MYO5B: variants seen among roughly 807,000 people sequenced by gnomAD.
MYO5B encodes the protein myosin VB.
MYO5B carries 143 observed loss-of-function variants against 229.3 expected under a neutral mutation model. That is an observed-to-expected ratio of 0.62 (90% CI 0.54 to 0.72). The LOEUF (loss-of-function observed/expected upper bound fraction) is 0.72. Ranked by LOEUF, MYO5B falls within the 30% of genes least tolerant of loss-of-function variation. MYO5B has a pLI of 0.00. For synonymous variants in MYO5B, 918 were observed against 885.2 expected, an observed-to-expected ratio of 1.04 and a Z score of -0.66; for missense variants, 2,321 against 2,331.0, an observed-to-expected ratio of 1.00 and a Z score of 0.09.
rs567549647 is a variant in MYO5B at position 50,184,609 on chromosome 18, A to G, written c.27+10158T>C. ...TTTGGCACAAAAGCACTCCATAACC[A>G]GTAGTTGTCCAACTAGAGGGTTCAA... On this transcript the variant is annotated intron_variant, in intron 1 of 39. Transcript: ENST00000285039. 2.4e-4 allele frequency among the ~76,000 whole-genome samples: 36 copies of G among 152,348 alleles called. 1 individual carries two copies. The South Asian group carries it at 7.5e-3, about 32-fold the overall frequency.
At chr18:50,027,803 G>A (rs1441060552) in intron 4 of MYO5B, among the ~76,000 whole-genome samples, 1 of 152,160 alleles carries the variant, frequency 6.6e-6, no homozygotes, top group Non-Finnish European at 1.5e-5. Flanking sequence ...AGGGAGACCT[G>A]ATCTATTAGA....
chr18:49,893,401 C>A (rs979428548), intron 22 of MYO5B, among the ~76,000 whole-genome samples: 1 of 152,218 alleles, frequency 6.6e-6, no homozygotes, highest in Non-Finnish European at 1.5e-5. Context: ...GTCACCATCC[C>A]ATTCATCTGC....
chr18:49,932,730 A>T (rs1446762100), intron 16 of MYO5B, among the ~76,000 whole-genome samples: 1 of 152,202 alleles, frequency 6.6e-6, no homozygotes, highest in Non-Finnish European at 1.5e-5. Flanking sequence ...AAGAGACACT[A>T]TACAAAGAAG....
intron 30 of MYO5B, 132 bp downstream of exon 30, chr18:49,856,681 G>C (rs1212382808): frequency 2.6e-6 from 2 of 774,286 alleles, no homozygotes; most frequent in African/African-American, 1.7e-5. Flanking sequence ...TCAACCACAG[G>C]GGCTACCAGC....
At chr18:49,860,567 G>A (rs768781781) in intron 29 of MYO5B, among the ~76,000 whole-genome samples, 81 of 152,230 alleles carry the variant, frequency 5.3e-4, no homozygotes, top group Non-Finnish European at 9.6e-4. Context: ...CAAAACAAGG[G>A]AAAAGACACA....
chr18:49,965,003 C>A (rs1429457684), intron 10 of MYO5B, among the ~76,000 whole-genome samples: 2 of 152,202 alleles, frequency 1.3e-5, no homozygotes, highest in African/African-American at 4.8e-5. Flanking sequence ...AAGTTAAGAA[C>A]TGACAACCTG....
intron 4 of MYO5B, among the ~76,000 whole-genome samples, chr18:50,032,591 T>C (rs2026401827): frequency 6.6e-6 from 1 of 152,240 alleles, no homozygotes; most frequent in Non-Finnish European, 1.5e-5. Context: ...ATATTCCTCA[T>C]TTGATTTATC....
intron 8 of MYO5B, among the ~76,000 whole-genome samples, chr18:49,983,342 G>A (rs2025836569): frequency 6.6e-6 from 1 of 152,176 alleles, no homozygotes; most frequent in Non-Finnish European, 1.5e-5. Flanking sequence ...CTCCAGATGA[G>A]CTCCAGCTCT....
At chr18:49,904,222 C>A (rs1388040107) in intron 20 of MYO5B, among the ~76,000 whole-genome samples, 1 of 152,162 alleles carries the variant, frequency 6.6e-6, no homozygotes, top group Non-Finnish European at 1.5e-5. Flanking sequence ...AAATAAATGC[C>A]CTTCTTCAAG....
chr18:50,174,353 G>T (rs1367932326), intron 1 of MYO5B, among the ~76,000 whole-genome samples: 1 of 151,474 alleles, frequency 6.6e-6, no homozygotes, highest in African/African-American at 2.4e-5. Flanking sequence ...ACTCCCATCA[G>T]CCCCCATCAG....
In MYO5B at chr18:50,055,279, C is replaced by G. The variant is rs369340100; in HGVS notation, c.127G>C (p.Glu43Gln). 9.7e-6 allele frequency: 14 copies of G among 1,441,376 alleles called. No individual in the cohort carries two copies. The Middle Eastern group carries it at 5.7e-4, about 59-fold the overall frequency. The allele number at this position is 1,441,376 out of a possible 1,614,324, so 89.3% of individuals were successfully genotyped here. A position where few individuals can be genotyped will look rare whatever the true frequency, so the allele number is the denominator to read the frequency against. Residue 43 changes from glutamate to glutamine, a missense_variant, in exon 2 of 40, where the codon GAG (glutamate) becomes CAG (glutamine). By Grantham distance (29) the Glu-to-Gln change is conservative. Coordinates refer to ENST00000285039, the MANE Select transcript of MYO5B (RefSeq NM_001080467.3). ...EGDKSLQLRL[E>Q]DETILEYPID... is the part of the protein sequence containing the mutation. ...GGACTCACTCTTACCGTTTCATCCT[C>G]CAGTCTGAGCTGTAGGCTCTTGTCT...
intron 14 of MYO5B, among the ~76,000 whole-genome samples, chr18:49,942,959 C>T (rs533970726): frequency 4.5e-4 from 69 of 152,058 alleles, no homozygotes; most frequent in African/African-American, 1.6e-3. Flanking sequence ...AGACTTGGAA[C>T]CAACCCAAAT....
chr18:49,925,000 T>G (rs185677392), intron 17 of MYO5B, among the ~76,000 whole-genome samples: 1 of 152,326 alleles, frequency 6.6e-6, no homozygotes, highest in Non-Finnish European at 1.5e-5. Context: ...CCCAACTATC[T>G]GAATGGATCC....
At chr18:50,075,934 G>T (rs763503183) in intron 1 of MYO5B, among the ~76,000 whole-genome samples, 1 of 152,208 alleles carries the variant, frequency 6.6e-6, no homozygotes, top group African/African-American at 2.4e-5. Flanking sequence ...GCCATGCCAC[G>T]CTGCAGAATG....
chr18:49,951,876 C>T (rs761606909), intron 14 of MYO5B, among the ~76,000 whole-genome samples: 15 of 152,230 alleles, frequency 9.9e-5, no homozygotes, highest in Non-Finnish European at 1.9e-4. Context: ...GGGCTCCTCC[C>T]TATGCCACCA....
At chr18:49,912,985 A>T (rs928166037) in intron 17 of MYO5B, among the ~76,000 whole-genome samples, 22 of 152,234 alleles carry the variant, frequency 1.4e-4, no homozygotes, top group Non-Finnish European at 2.4e-4. Flanking sequence ...TAACCCCTGG[A>T]GAGATAACAT....
rs17740390 is a variant in MYO5B, at chr18:50,162,221, A to G, written c.27+32546T>C. On this transcript the variant is annotated intron_variant, in intron 1 of 39. Transcript: ENST00000285039. ...ATGGGGTTCTAAAATGTATTTCTGC[A>G]TATCAACATTCTCCAACAGCAATAT... is the stretch of plus-strand genomic sequence containing the variant. Among the ~76,000 whole-genome samples the G allele has an allele frequency of 2.4e-3, 369 of 152,382 alleles. 6 individuals are homozygous for G. The highest frequency in any genetic ancestry group is 0.022 in the Admixed American group (338 of 15,312).
In MYO5B at chr18:50,052,552, T is replaced by C. The variant is rs547225290; in HGVS notation, c.138+2716A>G. 2.6e-3 allele frequency among the ~76,000 whole-genome samples: 248 copies of C among 95,718 alleles called. 1 individual carries two copies. Among genetic ancestry groups the C allele is most frequent in the African/African-American group, 0.01 (236 of 23,472 alleles). The allele number at this position is 95,718 out of a possible 152,430, so 62.8% of individuals were successfully genotyped here. On this transcript the variant is annotated intron_variant, in intron 2 of 39. Transcript: ENST00000285039. ...GGGGAACATCACACTCTGGGGACTG[T>C]TGTGGGGTGGGGGGAGGGGGGAGGG...
rs1233957161 is a variant in MYO5B, at chr18:50,194,993, G to T, written c.-200C>A. On this transcript the variant is annotated 5_prime_UTR_variant, in exon 1 of 40. Transcript: ENST00000285039. The stretch of plus-strand genomic sequence containing the variant: ...GCGGCGCGACCTTTACTCCCGCCGC[G>T]GCGGCGCAGCTACGGCCGGACAGGA... 1 of 688,760 alleles carries T rather than the reference G, an allele frequency of 1.5e-6. No homozygotes were observed. The highest frequency in any genetic ancestry group is 2.0e-6 in the Non-Finnish European group (1 of 502,270). The allele number at this position is 688,760 out of a possible 1,614,324, so 42.7% of individuals were successfully genotyped here. A position where few individuals can be genotyped will look rare whatever the true frequency, so the allele number is the denominator to read the frequency against.
Sources: allele counts gnomAD v4.1 joint callset (sites outside exome capture counted in the v4.1 genomes callset), GRCh38; gene constraint gnomAD v4.1.1; transcripts MANE v1.5; gene names NCBI Gene and HGNC (gene_info 2026-07-23, HGNC 2026-07-21).